The following MGAT4A variants were observed in gnomAD, a reference collection of about 807,000 sequenced individuals.
MGAT4A encodes alpha-1,3-mannosyl-glycoprotein 4-beta-N-acetylglucosaminyltransferase A, also known as N-acetylglucosaminyltransferase IVa.
In MGAT4A, 33 loss-of-function variants were observed where a neutral mutation model predicts 74.1. That is an observed-to-expected ratio of 0.45 (90% CI 0.34 to 0.60). MGAT4A has a LOEUF of 0.60. Ranked by LOEUF, MGAT4A falls within the 20% of genes least tolerant of loss-of-function variation. The probability of loss-of-function intolerance (pLI) is 0.02; values close to 1 mark genes in which losing one functional copy is unlikely to be tolerated. For missense variants in MGAT4A, 479 were observed against 628.3 expected, an observed-to-expected ratio of 0.76 and a Z score of 2.54; for synonymous variants, 198 against 210.4, an observed-to-expected ratio of 0.94 and a Z score of 0.51.
chr2:98,635,082 TAC>T lies in MGAT4A; in HGVS notation c.1468+138_1468+139del, dbSNP rs1701298928. 4.9e-6 allele frequency: 3 copies of T among 612,208 alleles called. No individual in the cohort carries two copies. The African/African-American group carries it at 5.6e-5, about 11-fold the overall frequency. The allele number at this position is 612,208 out of a possible 1,614,324, so 37.9% of individuals were successfully genotyped here. ...ACTTGGGTCAAATAATAAAAGCAAG[TAC>T]TACAACACAGCACACATAAAACCTG... On this transcript the variant is annotated intron_variant, in intron 14 of 15. Coordinates refer to ENST00000393487, the MANE Select transcript of MGAT4A (RefSeq NM_012214.3).
Position 98,622,614 on chromosome 2 carries a change from G to A in MGAT4A, c.*2952C>T. ...CGACCACTACAATTTCCTGCTTGGGGAAAGGATGGCTGCTTCTACTAGTTG... is the reference window on the plus strand; with the variant it reads ...CGACCACTACAATTTCCTGCTTGGGAAAAGGATGGCTGCTTCTACTAGTTG... On this transcript the variant is annotated 3_prime_UTR_variant, in exon 16 of 16. Coordinates refer to ENST00000393487, the MANE Select transcript of MGAT4A (RefSeq NM_012214.3). The A allele has an allele frequency of 1.0e-6, 1 of 985,464 alleles. No individual in the cohort carries two copies. Among genetic ancestry groups the A allele is most frequent in the Non-Finnish European group, 1.2e-6 (1 of 830,026 alleles). 61.0% of individuals were successfully genotyped at this position (985,464 alleles called of 1,614,324 possible). A position where few individuals can be genotyped will look rare whatever the true frequency, so the allele number is the denominator to read the frequency against.
chr2:98,656,478 A>C lies in MGAT4A; in HGVS notation c.585-13T>G, dbSNP rs1701663973. The stretch of plus-strand genomic sequence containing the variant: ...TTCTTTAGAAAATCTATTATGAGAA[A>C]GTTAGCTGAGTTACTTAAGTTCTGT... On this transcript the variant is annotated splice_polypyrimidine_tract_variant and intron_variant, in intron 6 of 15. Transcript: ENST00000393487. The C allele has an allele frequency of 6.6e-7, 1 of 1,519,292 alleles. No individual in the cohort carries two copies. Among genetic ancestry groups the C allele is most frequent in the African/African-American group, 1.4e-5 (1 of 72,202 alleles). 94.1% of individuals were successfully genotyped at this position (1,519,292 alleles called of 1,614,324 possible).
At chr2:98,636,352 C>T (rs1031000143) in intron 13 of MGAT4A, among the ~76,000 whole-genome samples, 165 bp downstream of exon 13, 4 of 152,046 alleles carry the variant, frequency 2.6e-5, no homozygotes, top group African/African-American at 7.2e-5. Flanking sequence ...CAAATGCACT[C>T]GTCAAATATA....
chr2:98,623,114 G>GCA lies in MGAT4A; in HGVS notation c.*2450_*2451dup. On this transcript the variant is annotated 3_prime_UTR_variant, in exon 16 of 16. Coordinates refer to ENST00000393487, the MANE Select transcript of MGAT4A (RefSeq NM_012214.3). ...TGACTGGCCACCTGCCACGTGCCTG[G>GCA]CACACACCCTAGGCACGGGTAGATT... The GCA allele has an allele frequency of 1.0e-6, 1 of 985,498 alleles. No individual in the cohort carries two copies. The highest frequency in any genetic ancestry group is 1.2e-6 in the Non-Finnish European group (1 of 829,996). The allele number at this position is 985,498 out of a possible 1,614,324, so 61.0% of individuals were successfully genotyped here.
chr2:98,725,427 T>A (rs1483196787), intron 2 of MGAT4A, among the ~76,000 whole-genome samples: 6 of 152,178 alleles, frequency 3.9e-5, no homozygotes, highest in African/African-American at 1.4e-4. Flanking sequence ...GTTGTCTTCA[T>A]GAGTCAATAA....
chr2:98,688,854 A>G (rs1161776386), intron 2 of MGAT4A, among the ~76,000 whole-genome samples: 1 of 152,226 alleles, frequency 6.6e-6, no homozygotes, highest in African/African-American at 2.4e-5. Flanking sequence ...TAATAAATGT[A>G]TCATTTTAAA....
At chr2:98,646,726 GAAT>G (rs1316621621) in intron 8 of MGAT4A, among the ~76,000 whole-genome samples, 1 of 152,202 alleles carries the variant, frequency 6.6e-6, no homozygotes, top group Non-Finnish European at 1.5e-5. Flanking sequence ...GCATCAATAA[GAAT>G]AATGATTGCA....
chr2:98,637,265 G>A (rs561193592), intron 12 of MGAT4A, among the ~76,000 whole-genome samples: 6 of 152,090 alleles, frequency 3.9e-5, no homozygotes, highest in African/African-American at 9.6e-5. Context: ...ACAGTGAGCC[G>A]TGACTGTGCC....
At chr2:98,722,317 A>G (rs1702685613) in intron 2 of MGAT4A, among the ~76,000 whole-genome samples, 1 of 152,254 alleles carries the variant, frequency 6.6e-6, no homozygotes, top group South Asian at 2.1e-4. Flanking sequence ...ATTCAGCTGT[A>G]AGAAGGGAGG....
chr2:98,650,077 G>T (rs1228433398), intron 8 of MGAT4A, among the ~76,000 whole-genome samples: 5 of 152,100 alleles, frequency 3.3e-5, no homozygotes, highest in African/African-American at 1.2e-4. Context: ...TATCAATAGA[G>T]ATAGAAACTA....
chr2:98,625,897 G>C, intron 14 of MGAT4A, 62 bp from the exon 15 acceptor site: 1 of 1,257,134 alleles, frequency 8.0e-7, no homozygotes. Flanking sequence ...AAATATCACT[G>C]AGTTAAGGCA....
intron 8 of MGAT4A, among the ~76,000 whole-genome samples, chr2:98,654,841 A>C (rs1318756441): frequency 6.6e-6 from 1 of 152,120 alleles, no homozygotes; most frequent in Non-Finnish European, 1.5e-5. Context: ...AAACAGCCAA[A>C]ATAGTCTTAA....
intron 2 of MGAT4A, among the ~76,000 whole-genome samples, chr2:98,718,171 C>G (rs1702616935): frequency 6.6e-6 from 1 of 150,800 alleles, no homozygotes; most frequent in Non-Finnish European, 1.5e-5. Context: ...ATTTCAACAT[C>G]TGAAATCAAG....
At chr2:98,699,347 C>CA (rs1386218784) in intron 2 of MGAT4A, among the ~76,000 whole-genome samples, 7 of 152,178 alleles carry the variant, frequency 4.6e-5, no homozygotes, top group Non-Finnish European at 8.8e-5. Context: ...CACACTGAGC[C>CA]ACTCTTCTCA....
chr2:98,716,603 C>A (rs1192040395), intron 2 of MGAT4A, among the ~76,000 whole-genome samples: 1 of 152,170 alleles, frequency 6.6e-6, no homozygotes, highest in African/African-American at 2.4e-5. Flanking sequence ...CCAGCCTGGG[C>A]TACAGAGCGA....
rs950771269 is a variant in MGAT4A at position 98,648,500 on chromosome 2, A to C, written c.775-2958T>G. ...GGGCTAGAGGGAGACTATGTCTCGAACAAACAAACAAAAACAGCCTGGGCA... is the reference window on the plus strand; with the variant it reads ...GGGCTAGAGGGAGACTATGTCTCGACCAAACAAACAAAAACAGCCTGGGCA... On this transcript the variant is annotated intron_variant, in intron 8 of 15. Transcript: ENST00000393487. Among the ~76,000 whole-genome samples, 3 of 152,026 alleles carry C rather than the reference A, an allele frequency of 2.0e-5. No individual in the cohort carries two copies. The East Asian group carries it at 5.8e-4, about 29-fold the overall frequency.
intron 4 of MGAT4A, chr2:98,663,609 T>A: frequency 2.0e-6 from 1 of 509,418 alleles, no homozygotes; most frequent in Non-Finnish European, 3.0e-6. Context: ...AACTTAACCG[T>A]AAAGAAACAT....
chr2:98,666,964 C>T (rs1034784831), intron 4 of MGAT4A, among the ~76,000 whole-genome samples: 2 of 152,096 alleles, frequency 1.3e-5, no homozygotes, highest in East Asian at 1.9e-4. Flanking sequence ...TGAATTCCTA[C>T]GTGTGGTGGG....
intron 14 of MGAT4A, among the ~76,000 whole-genome samples, chr2:98,628,206 C>T (rs1255623381): frequency 6.6e-6 from 1 of 152,196 alleles, no homozygotes; most frequent in Non-Finnish European, 1.5e-5. Context: ...TCAGTGTCTT[C>T]AACCATGGCA....
Sources: gnomAD v4.1 joint callset for allele counts (sites outside exome capture counted in the v4.1 genomes callset) on GRCh38, gnomAD v4.1.1 for gene constraint, MANE v1.5 for transcripts, NCBI Gene and HGNC (gene_info 2026-07-23, HGNC 2026-07-21) for gene names.